PHACTR2: variants seen among roughly 807,000 people sequenced by gnomAD.
The protein encoded by PHACTR2 is phosphatase and actin regulator 2.
Under a neutral mutation model 76.0 loss-of-function variants are expected in PHACTR2, and 30 were observed. The ratio of observed to expected loss-of-function variants is 0.39; its 90% CI spans 0.30 to 0.54. The LOEUF (loss-of-function observed/expected upper bound fraction) is 0.54. PHACTR2 is among the 20% of genes least tolerant of loss of function. The probability of loss-of-function intolerance (pLI) is 0.61; values close to 1 mark genes in which losing one functional copy is unlikely to be tolerated. For missense variants in PHACTR2, 696 were observed against 781.1 expected, an observed-to-expected ratio of 0.89 and a Z score of 1.30; for synonymous variants, 292 against 292.5, an observed-to-expected ratio of 1.00 and a Z score of 0.02.
chr6:143,580,679 T>C lies in PHACTR2; in HGVS notation c.217+43472T>C, dbSNP rs1436447217. ...CAGAGCAAGACTCCGTCTCAAAAAA[T>C]AAAATAAAATAAAACAATAAAAAAT... On this transcript the variant is annotated intron_variant, in intron 1 of 11. Coordinates refer to the PHACTR2 transcript ENST00000367584. This position sits in a 1 kb window ranked among gnomAD's most constrained non-coding sequence, Gnocchi z 4.2. Among the ~76,000 whole-genome samples, 1 of 151,830 alleles carries C rather than the reference T, an allele frequency of 6.6e-6. No homozygotes were observed. Among genetic ancestry groups the C allele is most frequent in the African/African-American group, 2.4e-5 (1 of 41,306 alleles).
In PHACTR2 at chr6:143,700,934, A is replaced by G. The variant is rs888953436; in HGVS notation, c.47-11082A>G. On this transcript the variant is annotated intron_variant, in intron 1 of 12. Coordinates refer to ENST00000440869, the MANE Select transcript of PHACTR2 (RefSeq NM_001100164.2). This position sits in a 1 kb window ranked among gnomAD's most constrained non-coding sequence, Gnocchi z 4.1. ...GACATCTTGCTATTCCTAAGCAGTC[A>G]TCCTATCTGTTCATAGAGACAACCC... 9.9e-5 allele frequency among the ~76,000 whole-genome samples: 15 copies of G among 152,272 alleles called. No homozygotes were observed. Among genetic ancestry groups the G allele is most frequent in the African/African-American group, 3.6e-4 (15 of 41,468 alleles).
At chr6:143,551,831 G>C (rs537316730) in intron 1 of PHACTR2, among the ~76,000 whole-genome samples, 2 of 152,112 alleles carry the variant, frequency 1.3e-5, no homozygotes, top group African/African-American at 2.4e-5. Context: ...ATGTAATAAT[G>C]GGGGGAGGCT....
At position 143,591,963 on chromosome 6, in the gene PHACTR2, C is replaced by T. The variant is rs538020156; in HGVS notation, c.217+54756C>T. On this transcript the variant is annotated intron_variant, in intron 1 of 11. Transcript: ENST00000367584. The surrounding 1 kb of genome is among the most constrained non-coding windows in gnomAD (Gnocchi z 6.4). ...GATTGTACTTCTGGTCTTCCTAGAC[C>T]CGAGGGTTAGCCTGGGCATGGCTGT... Among the ~76,000 whole-genome samples the T allele has an allele frequency of 2.6e-5, 4 of 152,076 alleles. No homozygotes were observed. Among genetic ancestry groups the T allele is most frequent in the Non-Finnish European group, 5.9e-5 (4 of 68,002 alleles).
chr6:143,642,625 A>G (rs1025607000), intron 1 of PHACTR2, among the ~76,000 whole-genome samples: 1 of 152,230 alleles, frequency 6.6e-6, no homozygotes, highest in African/African-American at 2.4e-5. Context: ...GGATGAGGTC[A>G]TTAGGGTAGG....
rs1775010456 is a variant in PHACTR2, at chr6:143,546,993, T to G, written c.217+9786T>G. The stretch of plus-strand genomic sequence containing the variant: ...TCGATGCTGCAGTGAGCTGTGATTG[T>G]GGCACTGCACTCCAGCCTGGGTAAC... On this transcript the variant is annotated intron_variant, in intron 1 of 11. Coordinates refer to the PHACTR2 transcript ENST00000367584. This position sits in a 1 kb window ranked among gnomAD's most constrained non-coding sequence, Gnocchi z 4.9. 6.6e-6 allele frequency among the ~76,000 whole-genome samples: 1 copy of G among 151,976 alleles called. No homozygotes were observed. The highest frequency in any genetic ancestry group is 1.5e-5 in the Non-Finnish European group (1 of 68,002).
intron 1 of PHACTR2, among the ~76,000 whole-genome samples, chr6:143,626,589 A>G (rs1364675760): frequency 4.0e-5 from 6 of 151,812 alleles, no homozygotes; most frequent in Admixed American, 2.0e-4. Flanking sequence ...AGATGTTCCC[A>G]TGTCTTAAGA....
chr6:143,784,155 C>G lies in PHACTR2; in HGVS notation c.1707+875C>G, dbSNP rs537464158. Among the ~76,000 whole-genome samples the G allele has an allele frequency of 2.0e-5, 3 of 152,250 alleles. No individual in the cohort carries two copies. Among genetic ancestry groups the G allele is most frequent in the Non-Finnish European group, 4.4e-5 (3 of 68,018 alleles). On this transcript the variant is annotated intron_variant, in intron 10 of 12. Transcript: ENST00000440869. The surrounding 1 kb of genome is among the most constrained non-coding windows in gnomAD (Gnocchi z 4.5). ...TATTAAACAAGTAAGTAATTTGTTA[C>G]TCCTGAAGATTTCCCACTATTCCAC...
At chr6:143,655,198 C>T (rs182531758) in intron 1 of PHACTR2, among the ~76,000 whole-genome samples, 2 of 150,684 alleles carry the variant, frequency 1.3e-5, no homozygotes, top group Non-Finnish European at 3.0e-5. Flanking sequence ...AAGAAAACAT[C>T]ATGCTAAGTG....
Position 143,672,227 on chromosome 6 carries a change from T to C in PHACTR2, c.14-39789T>C, listed in dbSNP as rs904858538. ...TTAAATGGGTACATTTTAGGGTCCA[T>C]AACTTATTCTTCAAAAAGCTGCAAG... is the stretch of plus-strand genomic sequence containing the variant. On this transcript the variant is annotated intron_variant, in intron 1 of 11. Transcript: ENST00000305766. This position sits in a 1 kb window ranked among gnomAD's most constrained non-coding sequence, Gnocchi z 5.8. 6.6e-6 allele frequency among the ~76,000 whole-genome samples: 1 copy of C among 151,252 alleles called. No individual in the cohort carries two copies.
In PHACTR2 at chr6:143,550,233, T is replaced by A. The variant is rs1036001314; in HGVS notation, c.217+13026T>A. ...GGATCTTGTTGAAATGCAGTAGGTT[T>A]TGAGTGGGAATTGAGCTTGTGCACT... On this transcript the variant is annotated intron_variant, in intron 1 of 11. Coordinates refer to the PHACTR2 transcript ENST00000367584. The surrounding 1 kb of genome is among the most constrained non-coding windows in gnomAD (Gnocchi z 4.8). Among the ~76,000 whole-genome samples the A allele has an allele frequency of 1.3e-5, 2 of 152,074 alleles. No homozygotes were observed. The highest frequency in any genetic ancestry group is 6.6e-5 in the Admixed American group (1 of 15,258).
chr6:143,803,992 T>C lies in PHACTR2; in HGVS notation c.1846-3065T>C, dbSNP rs1776014910. Among the ~76,000 whole-genome samples, 1 of 152,240 alleles carries C rather than the reference T, an allele frequency of 6.6e-6. No individual in the cohort carries two copies. Among genetic ancestry groups the C allele is most frequent in the South Asian group, 2.1e-4 (1 of 4,832 alleles). On this transcript the variant is annotated intron_variant, in intron 11 of 12. Coordinates refer to ENST00000440869, the MANE Select transcript of PHACTR2 (RefSeq NM_001100164.2). This position sits in a 1 kb window ranked among gnomAD's most constrained non-coding sequence, Gnocchi z 4.7. ...GTCATGTGACCTCTCTAGGCCTCCATTGCATCAGCTGTAAGGTAAAAGCCT... is the reference window on the plus strand; with the variant it reads ...GTCATGTGACCTCTCTAGGCCTCCACTGCATCAGCTGTAAGGTAAAAGCCT...
At chr6:143,606,164 A>T (rs1775866110), upstream of PHACTR2, among the ~76,000 whole-genome samples, 1 of 152,218 alleles carries the variant, frequency 6.6e-6, no homozygotes, top group Admixed American at 6.5e-5. Flanking sequence ...TGTAGCAAAC[A>T]TGATTATTTG....
Position 143,646,562 on chromosome 6 carries a change from G to C in PHACTR2, c.13+38240G>C, listed in dbSNP as rs1296180498. 2.0e-5 allele frequency among the ~76,000 whole-genome samples: 3 copies of C among 152,092 alleles called. No homozygotes were observed. Among genetic ancestry groups the C allele is most frequent in the Non-Finnish European group, 2.9e-5 (2 of 68,002 alleles). On this transcript the variant is annotated intron_variant, in intron 1 of 11. Coordinates refer to the PHACTR2 transcript ENST00000305766. This position sits in a 1 kb window ranked among gnomAD's most constrained non-coding sequence, Gnocchi z 4.1. ...AACTGAAAAAAAGGTGCTCCATTTT[G>C]CATGATTTATTATTGAACTAGAGTT...
chr6:143,625,568 A>G lies in PHACTR2; in HGVS notation c.13+17246A>G, dbSNP rs1776244010. 6.6e-6 allele frequency among the ~76,000 whole-genome samples: 1 copy of G among 152,244 alleles called. No homozygotes were observed. The highest frequency in any genetic ancestry group is 2.4e-5 in the African/African-American group (1 of 41,464). On this transcript the variant is annotated intron_variant, in intron 1 of 11. Coordinates refer to the PHACTR2 transcript ENST00000305766. The surrounding 1 kb of genome is among the most constrained non-coding windows in gnomAD (Gnocchi z 4.3). Reference sequence around the variant, plus strand: ...TTTCCCCTTGTGCGGTGTGTCTCCAATAGATGTAATATCACCAGTGACTGT... The same window carrying G: ...TTTCCCCTTGTGCGGTGTGTCTCCAGTAGATGTAATATCACCAGTGACTGT...
chr6:143,612,513 T>G (rs1381718047), intron 1 of PHACTR2, among the ~76,000 whole-genome samples: 1 of 152,220 alleles, frequency 6.6e-6, no homozygotes, highest in African/African-American at 2.4e-5. Flanking sequence ...AATTAAAATT[T>G]TGTTTCCTCT....
chr6:143,537,515 C>G lies in PHACTR2; in HGVS notation c.217+308C>G, dbSNP rs202173514. Among the ~76,000 whole-genome samples the G allele has an allele frequency of 2.0e-5, 3 of 152,256 alleles. No individual in the cohort carries two copies. The East Asian group carries it at 5.8e-4, about 30-fold the overall frequency. On this transcript the variant is annotated intron_variant, in intron 1 of 11. Coordinates refer to the PHACTR2 transcript ENST00000367584. The surrounding 1 kb of genome is among the most constrained non-coding windows in gnomAD (Gnocchi z 4.4). ...TCGGCTGCACGGCGCCAGGCAGCAC[C>G]GCAGCTTGGCTTCCGAGGCTTTTCC...
chr6:143,781,255 A>T (rs1221006687), intron 9 of PHACTR2, among the ~76,000 whole-genome samples: 1 of 152,208 alleles, frequency 6.6e-6, no homozygotes, highest in Non-Finnish European at 1.5e-5. Context: ...AAATGAATTC[A>T]ATTCCCTAAC....
At chr6:143,640,188 A>G (rs1776540113) in intron 1 of PHACTR2, among the ~76,000 whole-genome samples, 1 of 152,238 alleles carries the variant, frequency 6.6e-6, no homozygotes, top group Non-Finnish European at 1.5e-5. Context: ...TGTACAGTGC[A>G]TAATGCTTGA....
chr6:143,705,711 T>A (rs1008077288), intron 1 of PHACTR2, among the ~76,000 whole-genome samples: 4 of 152,206 alleles, frequency 2.6e-5, no homozygotes, highest in African/African-American at 9.6e-5. Flanking sequence ...GAAGTACCAT[T>A]CTCCTTATAT....
Sources: allele counts gnomAD v4.1 joint callset (sites outside exome capture counted in the v4.1 genomes callset), GRCh38; gene constraint gnomAD v4.1.1; non-coding constraint Gnocchi (gnomAD v3.1); transcripts MANE v1.5; gene names NCBI Gene and HGNC (gene_info 2026-07-23, HGNC 2026-07-21).